Variants in RNF180 observed in about 807,000 individuals in gnomAD.
RNF180 encodes ring finger protein 180.
RNF180 carries 38 observed loss-of-function variants against 59.2 expected under a neutral mutation model. The ratio of observed to expected loss-of-function variants is 0.64; its 90% CI spans 0.50 to 0.84. The LOEUF is 0.84. Among genes scored for constraint, RNF180 ranks in the 40% least tolerant of loss-of-function variants. RNF180 has a pLI of 0.00. For synonymous variants in RNF180, 262 were observed against 240.3 expected (o/e 1.09, Z -0.84); for missense variants, 705 against 700.9 (o/e 1.01, Z -0.07).
intron 6 of RNF180, among the ~76,000 whole-genome samples, chr5:64,327,427 A>T (rs2112528717): frequency 6.6e-6 from 1 of 152,070 alleles, no homozygotes; most frequent in East Asian, 1.9e-4. Context: ...ATTGCTATGA[A>T]CTTGCCTCTT....
At chr5:64,215,563 A>T (rs1752576698) in intron 4 of RNF180, among the ~76,000 whole-genome samples, 1 of 152,114 alleles carries the variant, frequency 6.6e-6, no homozygotes, top group South Asian at 2.1e-4. Flanking sequence ...GTTTGTTTAC[A>T]AGTGATAGTA....
At chr5:64,365,438 G>A (rs1476255401) in intron 7 of RNF180, among the ~76,000 whole-genome samples, 1 of 151,688 alleles carries the variant, frequency 6.6e-6, no homozygotes, top group Non-Finnish European at 1.5e-5. Flanking sequence ...CAATTTTAGA[G>A]TATATGCCAT....
chr5:64,227,337 G>T (rs1454437532), intron 5 of RNF180, among the ~76,000 whole-genome samples: 1 of 152,192 alleles, frequency 6.6e-6, no homozygotes, highest in African/African-American at 2.4e-5. Flanking sequence ...GGGTGCAGGG[G>T]CCTGACAACC....
chr5:64,309,553 A>T (rs1174939352), intron 5 of RNF180, among the ~76,000 whole-genome samples: 1 of 151,602 alleles, frequency 6.6e-6, no homozygotes, highest in South Asian at 2.1e-4. Context: ...GAAAATACTA[A>T]TATCGGACCT....
chr5:64,321,904 T>C (rs1580248522), intron 5 of RNF180, among the ~76,000 whole-genome samples: 1 of 152,110 alleles, frequency 6.6e-6, no homozygotes, highest in Admixed American at 6.6e-5. Context: ...AAACAAGCAA[T>C]GGGGAAAGGA....
At chr5:64,341,453 A>T (rs1745351587) in intron 7 of RNF180, among the ~76,000 whole-genome samples, 1 of 152,206 alleles carries the variant, frequency 6.6e-6, no homozygotes, top group Admixed American at 6.5e-5. Flanking sequence ...CATTTAATTA[A>T]AAGAAAAGAT....
intron 5 of RNF180, among the ~76,000 whole-genome samples, chr5:64,322,976 GAAAATAAAGAAC>G (rs1419024892): frequency 1.3e-5 from 2 of 151,752 alleles, no homozygotes; most frequent in African/African-American, 4.8e-5. Flanking sequence ...CAAAACCTAT[GAAAATAAAGAAC>G]AAAATAAAAA....
At chr5:64,178,202 CAAAAA>C (rs67465847) in intron 1 of RNF180, among the ~76,000 whole-genome samples, 1 of 86,828 alleles carries the variant, frequency 1.2e-5, no homozygotes, top group Non-Finnish European at 2.4e-5. Flanking sequence ...GACTCCATCT[CAAAAA>C]AAAAAAAAAA....
rs1307146941 is a variant in RNF180 at position 64,214,454 on chromosome 5, AAGG to A, written c.1131_1133del (p.Arg377del). On this transcript the variant is annotated inframe_deletion, in exon 4 of 8. Coordinates refer to ENST00000389100, the MANE Select transcript of RNF180 (RefSeq NM_001113561.2). ...TTAATCAGAGGCTTAATAAGAGAGAAAGGAGCAAGTTGAAGAATCTAAGAAGGA... is the reference window on the plus strand; with the variant it reads ...TTAATCAGAGGCTTAATAAGAGAGAAAGCAAGTTGAAGAATCTAAGAAGGA... 6.2e-7 allele frequency: 1 copy of A among 1,613,942 alleles called. No homozygotes were observed. The highest frequency in any genetic ancestry group is 2.2e-5 in the East Asian group (1 of 44,878).
chr5:64,177,118 A>G (rs1750279027), intron 1 of RNF180, among the ~76,000 whole-genome samples: 1 of 152,200 alleles, frequency 6.6e-6, no homozygotes, highest in Non-Finnish European at 1.5e-5. Context: ...CGTGAAGTGT[A>G]TAATAGATAT....
At chr5:64,303,148 A>G (rs1743244821) in intron 5 of RNF180, among the ~76,000 whole-genome samples, 1 of 151,660 alleles carries the variant, frequency 6.6e-6, no homozygotes, top group African/African-American at 2.4e-5. Context: ...ATCACCAACT[A>G]TGCCCATATA....
chr5:64,313,303 C>T (rs1258402995), intron 5 of RNF180, among the ~76,000 whole-genome samples: 6 of 152,032 alleles, frequency 3.9e-5, no homozygotes, highest in African/African-American at 1.4e-4. Flanking sequence ...TCCTCACCTT[C>T]CTCTCTCCCT....
chr5:64,300,575 A>G (rs1743109892), intron 5 of RNF180, among the ~76,000 whole-genome samples: 1 of 151,810 alleles, frequency 6.6e-6, no homozygotes, highest in Admixed American at 6.6e-5. Flanking sequence ...TCAGGCATCT[A>G]CTGGGGATCT....
At position 64,324,508 on chromosome 5, in the gene RNF180, G is replaced by A. The variant is rs115272473; in HGVS notation, c.1228-678G>A. The stretch of plus-strand genomic sequence containing the variant: ...GAAATCGGTTTTTTTTCTCATCATC[G>A]TTATAACAAGACAATGTTGAATGAA... On this transcript the variant is annotated intron_variant, in intron 5 of 7. Coordinates refer to ENST00000389100, the MANE Select transcript of RNF180 (RefSeq NM_001113561.2). Among the ~76,000 whole-genome samples the A allele has an allele frequency of 3.6e-3, 547 of 152,248 alleles. 3 individuals carry two copies. The highest frequency in any genetic ancestry group is 0.013 in the African/African-American group (528 of 41,524).
intron 7 of RNF180, among the ~76,000 whole-genome samples, chr5:64,356,708 G>T (rs1746042021): frequency 6.6e-6 from 1 of 151,782 alleles, no homozygotes; most frequent in East Asian, 1.9e-4. Context: ...CTGCAATATG[G>T]ATGAACCTTG....
At chr5:64,298,656 A>C (rs1743015109) in intron 5 of RNF180, among the ~76,000 whole-genome samples, 1 of 152,024 alleles carries the variant, frequency 6.6e-6, no homozygotes, top group African/African-American at 2.4e-5. Flanking sequence ...AGACAAATTT[A>C]AATTTTAATT....
At chr5:64,361,918 T>C (rs551682135) in intron 7 of RNF180, among the ~76,000 whole-genome samples, 8 of 151,476 alleles carry the variant, frequency 5.3e-5, no homozygotes, top group African/African-American at 1.9e-4. Context: ...AATTGGTATT[T>C]GGTGGACAAA....
At chr5:64,279,469 A>C (rs372830561) in intron 5 of RNF180, among the ~76,000 whole-genome samples, 1 of 152,142 alleles carries the variant, frequency 6.6e-6, no homozygotes, top group East Asian at 1.9e-4. Flanking sequence ...TGTTTTTTGA[A>C]TAGGAGGGAT....
At position 64,217,415 on chromosome 5, in the gene RNF180, A is replaced by G. The variant is rs775902625; in HGVS notation, c.1227+19A>G. Reference sequence around the variant, plus strand: ...TCATATGGTAAGTATATATTTACTTATATGAGAAATTGTCAAATTGTTTTC... The same window carrying G: ...TCATATGGTAAGTATATATTTACTTGTATGAGAAATTGTCAAATTGTTTTC... On this transcript the variant is annotated intron_variant, in intron 5 of 7. Transcript: ENST00000389100. The G allele has an allele frequency of 1.0e-5, 14 of 1,387,854 alleles. No homozygotes were observed. The South Asian group carries it at 1.8e-4, about 18-fold the overall frequency. 86.0% of individuals were successfully genotyped at this position (1,387,854 alleles called of 1,614,324 possible). A position where few individuals can be genotyped will look rare whatever the true frequency, so the allele number is the denominator to read the frequency against.
Sources: allele counts gnomAD v4.1 joint callset (sites outside exome capture counted in the v4.1 genomes callset), GRCh38; gene constraint gnomAD v4.1.1; transcripts MANE v1.5; gene names NCBI Gene and HGNC (gene_info 2026-07-23, HGNC 2026-07-21).